RGS14: variants seen among roughly 807,000 people sequenced by gnomAD.
The protein encoded by RGS14 is regulator of G-protein signaling 14.
A neutral mutation model predicts 63.8 loss-of-function variants in RGS14; 33 were observed. That is an observed-to-expected ratio of 0.52 (90% CI 0.39 to 0.69). RGS14 has a LOEUF of 0.69. Among genes scored for constraint, RGS14 ranks in the 30% least tolerant of loss-of-function variants. The pLI is 0.00. For missense variants in RGS14, 739 were observed against 742.9 expected (o/e 0.99, Z 0.06); for synonymous variants, 296 against 320.9 (o/e 0.92, Z 0.83).
rs1761857989 is a variant in RGS14, at chr5:177,357,941, G to A, written c.-84G>A. On this transcript the variant is annotated 5_prime_UTR_variant, in exon 1 of 15. Transcript: ENST00000408923. ...GTCAGGCTCTCTCCACTGCCTGCCCGCCACCGTGCAAGCTCTGGCCGGCGC... is the reference window on the plus strand; with the variant it reads ...GTCAGGCTCTCTCCACTGCCTGCCCACCACCGTGCAAGCTCTGGCCGGCGC... The A allele has an allele frequency of 1.8e-5, 22 of 1,213,496 alleles. No individual in the cohort carries two copies. Among genetic ancestry groups the A allele is most frequent in the South Asian group, 7.6e-5 (3 of 39,370 alleles). 75.2% of individuals were successfully genotyped at this position (1,213,496 alleles called of 1,614,324 possible). A position where few individuals can be genotyped will look rare whatever the true frequency, so the allele number is the denominator to read the frequency against.
chr5:177,371,269 C>T lies in RGS14; in HGVS notation c.1336+23C>T. On this transcript the variant is annotated intron_variant, in intron 12 of 14. Coordinates refer to ENST00000408923, the MANE Select transcript of RGS14 (RefSeq NM_006480.5). The surrounding 1 kb of genome is among the most constrained non-coding windows in gnomAD (Gnocchi z 6.1). ...CAGGTAGGGGACGCTGGCCTCGGGG[C>T]TTGATCTGGAACAGCTGTGGCCCAG... The T allele has an allele frequency of 6.2e-7, 1 of 1,613,986 alleles. No individual in the cohort carries two copies. The highest frequency in any genetic ancestry group is 1.1e-5 in the South Asian group (1 of 91,068).
At chr5:177,362,503 A>AG (rs1197843542) in intron 1 of RGS14, among the ~76,000 whole-genome samples, 1 of 152,180 alleles carries the variant, frequency 6.6e-6, no homozygotes, top group Non-Finnish European at 1.5e-5. Context: ...CGTGGTGGGA[A>AG]GGGGCATTCA....
intron 9 of RGS14, among the ~76,000 whole-genome samples, chr5:177,369,300 C>G (rs1000557524): frequency 2.6e-5 from 4 of 152,204 alleles, no homozygotes; most frequent in African/African-American, 9.7e-5. Flanking sequence ...TGCACCTAAC[C>G]AATGAACTTT....
In RGS14 at chr5:177,358,087, G is replaced by C; in HGVS notation, c.45+18G>C. 7.5e-7 allele frequency: 1 copy of C among 1,334,872 alleles called. No homozygotes were observed. The highest frequency in any genetic ancestry group is 2.1e-5 in the South Asian group (1 of 48,676). 82.7% of individuals were successfully genotyped at this position (1,334,872 alleles called of 1,614,324 possible). ...GGCGCATGGTGAGTGTGGGCTCCGGGCCAGGGCCACGAGGAGGGGGTGGGC... is the reference window on the plus strand; with the variant it reads ...GGCGCATGGTGAGTGTGGGCTCCGGCCCAGGGCCACGAGGAGGGGGTGGGC... On this transcript the variant is annotated intron_variant, in intron 1 of 14. Transcript: ENST00000408923. This position sits in a 1 kb window ranked among gnomAD's most constrained non-coding sequence, Gnocchi z 4.8.
At chr5:177,367,992 G>C in intron 7 of RGS14, 165 bp from the exon 8 acceptor site, 1 of 1,439,786 alleles carries the variant, frequency 6.9e-7, no homozygotes. Context: ...TCTTGGGCTA[G>C]ACCTCAGACG....
chr5:177,371,783 G>T lies in RGS14; in HGVS notation c.1499-90G>T. On this transcript the variant is annotated intron_variant, in intron 14 of 14. Transcript: ENST00000408923. This position sits in a 1 kb window ranked among gnomAD's most constrained non-coding sequence, Gnocchi z 6.1. ...GGCCATTGGTGCTGGGGCCAGGGAG[G>T]CAGTGGCCACAGTAAGGCAGTGGGA... is the stretch of plus-strand genomic sequence containing the variant. 1 of 1,400,192 alleles carries T rather than the reference G, an allele frequency of 7.1e-7. No homozygotes were observed. Among genetic ancestry groups the T allele is most frequent in the South Asian group, 1.3e-5 (1 of 78,746 alleles). 86.7% of individuals were successfully genotyped at this position (1,400,192 alleles called of 1,614,324 possible). A position where few individuals can be genotyped will look rare whatever the true frequency, so the allele number is the denominator to read the frequency against.
In RGS14 at chr5:177,371,067, G is replaced by C. The variant is rs1762239310; in HGVS notation, c.1254+36G>C. 4.6e-6 allele frequency: 3 copies of C among 657,378 alleles called. No individual in the cohort carries two copies. The African/African-American group carries it at 1.0e-4, about 22-fold the overall frequency. The allele number at this position is 657,378 out of a possible 1,614,324, so 40.7% of individuals were successfully genotyped here. On this transcript the variant is annotated intron_variant, in intron 11 of 14. Transcript: ENST00000408923. The surrounding 1 kb of genome is among the most constrained non-coding windows in gnomAD (Gnocchi z 6.1). ...GGGCCGCGGGGCGGGGCGGGGCGGGGCCGGGCCGGGGCCGGGGCCGGGGCC... is the reference window on the plus strand; with the variant it reads ...GGGCCGCGGGGCGGGGCGGGGCGGGCCCGGGCCGGGGCCGGGGCCGGGGCC...
intron 1 of RGS14, among the ~76,000 whole-genome samples, chr5:177,362,628 G>A (rs1761992494): frequency 2.6e-5 from 4 of 152,222 alleles, no homozygotes; most frequent in Non-Finnish European, 4.4e-5. Flanking sequence ...CGGAAGCAGG[G>A]GTGTGGGGAA....
rs954448230 is a variant in RGS14, at chr5:177,365,000, C to T, written c.46-963C>T. Among the ~76,000 whole-genome samples the T allele has an allele frequency of 1.3e-5, 2 of 152,146 alleles. No homozygotes were observed. The highest frequency in any genetic ancestry group is 2.9e-5 in the Non-Finnish European group (2 of 68,038). On this transcript the variant is annotated intron_variant, in intron 1 of 14. Coordinates refer to ENST00000408923, the MANE Select transcript of RGS14 (RefSeq NM_006480.5). This position sits in a 1 kb window ranked among gnomAD's most constrained non-coding sequence, Gnocchi z 4.6. ...CCACTCTGCACTGAAGTTTGAGAAC[C>T]ACTGCTCTGTACTATAGACCAGCAT...
rs1762213295 is a variant in RGS14, at chr5:177,370,524, T to C, written c.1054-67T>C. ...GCCATGGGAGGGCGTGAAGTTGTTCTCAGACCCACAGGGATGGCTGGGGGT... is the reference window on the plus strand; with the variant it reads ...GCCATGGGAGGGCGTGAAGTTGTTCCCAGACCCACAGGGATGGCTGGGGGT... On this transcript the variant is annotated intron_variant, in intron 9 of 14. Coordinates refer to ENST00000408923, the MANE Select transcript of RGS14 (RefSeq NM_006480.5). 4 of 1,441,554 alleles carry C rather than the reference T, an allele frequency of 2.8e-6. No individual in the cohort carries two copies. The Admixed American group carries it at 5.0e-5, about 18-fold the overall frequency. 89.3% of individuals were successfully genotyped at this position (1,441,554 alleles called of 1,614,324 possible). A position where few individuals can be genotyped will look rare whatever the true frequency, so the allele number is the denominator to read the frequency against.
intron 3 of RGS14, 34 bp from the exon 4 acceptor site, chr5:177,366,674 G>GTC (rs1373945192): frequency 6.2e-7 from 1 of 1,601,968 alleles, no homozygotes; most frequent in Non-Finnish European, 8.6e-7. Context: ...GTGTCTCTGA[G>GTC]TCTCTGCCTG....
rs1330244208 is a variant in RGS14 at position 177,371,386 on chromosome 5, G to A, written c.1373G>A (p.Cys458Tyr). The A allele has an allele frequency of 2.5e-6, 4 of 1,613,820 alleles. No homozygotes were observed. Residue 458 changes from cysteine to tyrosine, a missense_variant, in exon 13 of 15, where the codon TGC (cysteine) becomes TAC (tyrosine). Cys to Tyr is a radical substitution (Grantham distance 194). Coordinates refer to ENST00000408923, the MANE Select transcript of RGS14 (RefSeq NM_006480.5). The surrounding 1 kb of genome is among the most constrained non-coding windows in gnomAD (Gnocchi z 6.1). ...TCCAAAGCCCGTGACAAATCTCCCT[G>A]CCGCAGCCAGGTGAGCGAAAGGCGA... The part of the protein sequence containing the change: ...KISKARDKSP[C>Y]RSQGCPPRTQ...
At chr5:177,370,699 C>T (rs745539687) in intron 10 of RGS14, 35 bp downstream of exon 10, 13 of 1,605,660 alleles carry the variant, frequency 8.1e-6, no homozygotes, top group Non-Finnish European at 1.1e-5. Context: ...GGTCCCAGGT[C>T]CTGACGCTCC....
chr5:177,365,956 C>T lies in RGS14; in HGVS notation c.46-7C>T, dbSNP rs1337880938. On this transcript the variant is annotated splice_region_variant and splice_polypyrimidine_tract_variant and intron_variant, in intron 1 of 14. Coordinates refer to ENST00000408923, the MANE Select transcript of RGS14 (RefSeq NM_006480.5). ...TCTTCTGACTTTCTCTGTTGGGTCT[C>T]TTATAGGTTCTGGCTGTGTCAGATG... The T allele has an allele frequency of 1.2e-6, 2 of 1,614,024 alleles. No individual in the cohort carries two copies. Among genetic ancestry groups the T allele is most frequent in the Non-Finnish European group, 1.7e-6 (2 of 1,179,904 alleles).
rs566720339 is a variant in RGS14 at position 177,358,703 on chromosome 5, C to T, written c.45+634C>T. Among the ~76,000 whole-genome samples the T allele has an allele frequency of 2.0e-5, 3 of 152,374 alleles. No homozygotes were observed. Among genetic ancestry groups the T allele is most frequent in the Admixed American group, 1.3e-4 (2 of 15,310 alleles). ...CACCCCTTAACCCTCTCCCTGGCTG[C>T]TTAGCCCCAGATCAGAGCTGCCCTC... On this transcript the variant is annotated intron_variant, in intron 1 of 14. Transcript: ENST00000408923. The surrounding 1 kb of genome is among the most constrained non-coding windows in gnomAD (Gnocchi z 4.8).
chr5:177,367,268 G>C (rs1762122337), intron 5 of RGS14, 146 bp from the exon 6 acceptor site: 1 of 1,215,852 alleles, frequency 8.2e-7, no homozygotes, highest in African/African-American at 1.5e-5. Context: ...CCCCGGGGGT[G>C]GGTATAGGAA....
At position 177,371,091 on chromosome 5, in the gene RGS14, C is replaced by A. The variant is rs1386572539; in HGVS notation, c.1254+60C>A. The A allele has an allele frequency of 4.4e-5, 25 of 570,980 alleles. 1 individual carries two copies. Among genetic ancestry groups the A allele is most frequent in the Non-Finnish European group, 4.9e-5 (23 of 471,662 alleles). 35.4% of individuals were successfully genotyped at this position (570,980 alleles called of 1,614,324 possible). On this transcript the variant is annotated intron_variant, in intron 11 of 14. Transcript: ENST00000408923. The surrounding 1 kb of genome is among the most constrained non-coding windows in gnomAD (Gnocchi z 6.1). ...GGCCGGGCCGGGGCCGGGGCCGGGG[C>A]CGGGGCCGGGGCCGGGGCCGGGGCC...
In RGS14 at chr5:177,366,764, G is replaced by A. The variant is rs375005161; in HGVS notation, c.303G>A (p.Glu101=). The change falls in exon 4 of 15, where the codon GAG becomes GAA. Residue 101 remains glutamate, a synonymous_variant. Transcript: ENST00000408923. ...AENVTFWKAC[E]RFQQIPASDT... ...ACGTGACTTTCTGGAAGGCCTGCGA[G>A]CGCTTCCAGCAGATCCCGGCCAGCG... 1.5e-5 allele frequency: 25 copies of A among 1,614,064 alleles called. No homozygotes were observed. Among genetic ancestry groups the A allele is most frequent in the Non-Finnish European group, 1.9e-5 (23 of 1,180,026 alleles).
At chr5:177,367,967 C>T (rs938050148) in intron 7 of RGS14, 142 bp downstream of exon 7, 5 of 1,439,464 alleles carry the variant, frequency 3.5e-6, no homozygotes, top group Non-Finnish European at 4.5e-6. Context: ...ACCACACTCC[C>T]CTGGGTGGTT....
Sources: gnomAD v4.1 joint callset for allele counts (sites outside exome capture counted in the v4.1 genomes callset) on GRCh38, gnomAD v4.1.1 for gene constraint, Gnocchi (gnomAD v3.1) non-coding constraint, MANE v1.5 for transcripts, NCBI Gene and HGNC (gene_info 2026-07-23, HGNC 2026-07-21) for gene names.